FRMPD4: variants seen among roughly 807,000 people sequenced by gnomAD.
The protein encoded by FRMPD4 is FERM and PDZ domain-containing protein 4.
A neutral mutation model predicts 94.1 loss-of-function variants in FRMPD4; 22 were observed. The ratio of observed to expected loss-of-function variants is 0.23; its 90% CI spans 0.17 to 0.33. The LOEUF is 0.33. Among genes scored for constraint, FRMPD4 ranks in the 10% least tolerant of loss-of-function variants. FRMPD4 has a pLI of 1.00. For synonymous variants in FRMPD4, 631 were observed against 548.6 expected (o/e 1.15, Z -2.10); for missense variants, 1,111 against 1,339.9 (o/e 0.83, Z 2.67).
intron 2 of FRMPD4, among the ~76,000 whole-genome samples, chrX:12,596,137 A>T (rs754573424): frequency 9.9e-5 from 11 of 111,290 alleles, no homozygotes; most frequent in Non-Finnish European, 2.1e-4. Flanking sequence ...TACCTGATTC[A>T]TCTCTTGAGC....
intron 1 of FRMPD4, among the ~76,000 whole-genome samples, chrX:12,460,025 T>C (rs941816577): frequency 8.9e-6 from 1 of 112,142 alleles, no homozygotes; most frequent in African/African-American, 3.2e-5. Flanking sequence ...GTGGTTTCAA[T>C]TTTGCATTTC....
intron 4 of FRMPD4, among the ~76,000 whole-genome samples, chrX:12,653,985 T>C (rs1255909187): frequency 8.9e-6 from 1 of 111,981 alleles, no homozygotes; most frequent in Non-Finnish European, 1.9e-5. Flanking sequence ...CAGGCTGGTC[T>C]CAAACTCCTC....
chrX:12,704,192 T>C (rs967671385), intron 10 of FRMPD4, among the ~76,000 whole-genome samples, 167 bp from the exon 11 acceptor site: 17 of 112,629 alleles, frequency 1.5e-4, no homozygotes, highest in African/African-American at 4.5e-4. Flanking sequence ...AATGATCAAG[T>C]AGTGTGTGTC....
At chrX:12,512,124 C>T (rs934773274) in intron 2 of FRMPD4, among the ~76,000 whole-genome samples, 3 of 112,301 alleles carry the variant, frequency 2.7e-5, no homozygotes, top group African/African-American at 9.7e-5. Context: ...ACAATTGTTG[C>T]CACATTTTAG....
chrX:12,306,051 C>T (rs755650071), intron 1 of FRMPD4, among the ~76,000 whole-genome samples: 27 of 95,971 alleles, frequency 2.8e-4, no homozygotes, highest in African/African-American at 9.4e-4. Flanking sequence ...AGATTTTGGT[C>T]GTTAATTTTA....
At chrX:12,694,507 C>A in intron 9 of FRMPD4, 53 bp downstream of exon 9, 1 of 981,750 alleles carries the variant, frequency 1.0e-6, no homozygotes, top group South Asian at 2.4e-5. Context: ...TAAACTAACT[C>A]TGGGGCTTTG....
At chrX:11,994,028 G>A (rs891118833) in intron 3 of FRMPD4, among the ~76,000 whole-genome samples, 2 of 111,282 alleles carry the variant, frequency 1.8e-5, no homozygotes, top group East Asian at 5.6e-4. Context: ...TTGCAAGTAA[G>A]GCCTGTCTTC....
At chrX:12,585,124 A>T (rs1251165570) in intron 2 of FRMPD4, among the ~76,000 whole-genome samples, 2 of 109,793 alleles carry the variant, frequency 1.8e-5, no homozygotes, top group African/African-American at 6.7e-5. Flanking sequence ...CACTATATTG[A>T]CCAGGCTGAT....
chrX:12,648,058 A>C (rs2059563738), intron 4 of FRMPD4, among the ~76,000 whole-genome samples: 1 of 111,413 alleles, frequency 9.0e-6, no homozygotes, highest in African/African-American at 3.3e-5. Flanking sequence ...CTTTCAGCCA[A>C]GCACTCCTGA....
intron 1 of FRMPD4, among the ~76,000 whole-genome samples, chrX:12,194,398 A>G (rs1014866252): frequency 6.6e-5 from 7 of 105,652 alleles, no homozygotes; most frequent in African/African-American, 2.1e-4. Flanking sequence ...TTGTACCCAT[A>G]TACACATCAC....
intron 3 of FRMPD4, among the ~76,000 whole-genome samples, chrX:11,911,771 G>C (rs754067492): frequency 1.8e-5 from 2 of 112,332 alleles, no homozygotes; most frequent in Non-Finnish European, 3.8e-5. Context: ...TGATAGGTGG[G>C]AAAGTAGGAG....
intron 1 of FRMPD4, among the ~76,000 whole-genome samples, chrX:12,486,423 G>A (rs778358732): frequency 4.4e-5 from 5 of 112,393 alleles, no homozygotes; most frequent in Non-Finnish European, 9.4e-5. Flanking sequence ...TTTTCATTAT[G>A]AAAGGCTTTT....
At chrX:11,877,516 C>T (rs1302185467) in intron 2 of FRMPD4, among the ~76,000 whole-genome samples, 1 of 111,986 alleles carries the variant, frequency 8.9e-6, no homozygotes, top group African/African-American at 3.2e-5. Context: ...CCGGGTTGTC[C>T]TGATTCAGAG....
intron 3 of FRMPD4, among the ~76,000 whole-genome samples, chrX:11,922,433 C>T (rs775154975): frequency 2.7e-5 from 3 of 111,722 alleles, no homozygotes; most frequent in Non-Finnish European, 5.7e-5. Context: ...CCCCATCATC[C>T]AGTCACCTCC....
At chrX:12,269,110 G>T (rs1391951822) in intron 1 of FRMPD4, among the ~76,000 whole-genome samples, 5 of 111,243 alleles carry the variant, frequency 4.5e-5, no homozygotes, top group African/African-American at 1.6e-4. Context: ...TTATTCTTCT[G>T]TTGTTTACCA....
chrX:12,645,347 C>CT (rs138817056), intron 4 of FRMPD4, among the ~76,000 whole-genome samples: 1,411 of 55,582 alleles, frequency 0.025, 68 homozygotes, highest in Non-Finnish European at 0.033. Context: ...CACTCTCACT[C>CT]TTTTTTTTTT....
intron 3 of FRMPD4, among the ~76,000 whole-genome samples, chrX:12,055,441 C>G (rs1430844756): frequency 9.0e-6 from 1 of 111,522 alleles, no homozygotes; most frequent in African/African-American, 3.3e-5. Flanking sequence ...CTGCACCCCT[C>G]TCTTGCACCT....
intron 12 of FRMPD4, 48 bp from the exon 13 acceptor site, chrX:12,707,421 G>A: frequency 4.1e-6 from 4 of 965,786 alleles, no homozygotes; most frequent in Non-Finnish European, 5.7e-6. Flanking sequence ...AGTTGGCATA[G>A]CATTTCAGAG....
At chrX:12,145,261 GGA>G (rs1831219872) in intron 1 of FRMPD4, among the ~76,000 whole-genome samples, 1 of 112,180 alleles carries the variant, frequency 8.9e-6, no homozygotes, top group Admixed American at 9.4e-5. Flanking sequence ...CTGGTGTGGG[GGA>G]GAACACGCGG....
Sources: gnomAD v4.1 joint callset for allele counts (sites outside exome capture counted in the v4.1 genomes callset) on GRCh38, gnomAD v4.1.1 for gene constraint, MANE v1.5 for transcripts, NCBI Gene and HGNC (gene_info 2026-07-23, HGNC 2026-07-21) for gene names.